SNAP91: variants seen among roughly 807,000 people sequenced by gnomAD.
SNAP91 encodes the protein synaptosome associated protein 91, also known as clathrin coat assembly protein AP180.
SNAP91 carries 27 observed loss-of-function variants against 100.3 expected under a neutral mutation model. The ratio of observed to expected loss-of-function variants is 0.27; its 90% confidence interval spans 0.20 to 0.37. The LOEUF is 0.37. Among genes scored for constraint, SNAP91 ranks in the 10% least tolerant of loss-of-function variants. The pLI, the probability that SNAP91 is intolerant of heterozygous loss-of-function variation, is 1.00. For missense variants in SNAP91, 986 were observed against 1,123.7 expected (o/e 0.88, Z 1.75); for synonymous variants, 404 against 398.6 (o/e 1.01, Z -0.16).
At chr6:83,690,059 T>TA (rs1399023727) in intron 2 of SNAP91, among the ~76,000 whole-genome samples, 2 of 152,166 alleles carry the variant, frequency 1.3e-5, no homozygotes, top group Non-Finnish European at 2.9e-5. Flanking sequence ...AACAATGAGT[T>TA]AAAATCTTGT....
At chr6:83,590,014 C>T (rs1370439788) in intron 22 of SNAP91, among the ~76,000 whole-genome samples, 1 of 152,186 alleles carries the variant, frequency 6.6e-6, no homozygotes, top group South Asian at 2.1e-4. Flanking sequence ...ATTTAAGATG[C>T]AAGACTTCAG....
In SNAP91 at chr6:83,707,895, G is replaced by A. The variant is rs761524027; in HGVS notation, c.33C>T (p.Ala11=). The A allele has an allele frequency of 1.8e-5, 29 of 1,595,818 alleles. No individual in the cohort carries two copies. Among genetic ancestry groups the A allele is most frequent in the Middle Eastern group, 3.3e-4 (2 of 6,032 alleles). ...AGCCTGTAACGCTGTACTGAGCGGC[G>A]GCGATCCGATCCGTGAGCGTTTGGC... MSGQTLTDRI[A]AAQYSVTGSA... The change falls in exon 2 of 30, where the codon GCC becomes GCT. Residue 11 remains alanine, a synonymous_variant. Coordinates refer to ENST00000369694, the MANE Select transcript of SNAP91 (RefSeq NM_001242792.2).
intron 26 of SNAP91, 22 bp downstream of exon 26, chr6:83,574,988 C>T (rs1275478072): frequency 6.6e-7 from 1 of 1,512,120 alleles, no homozygotes. Flanking sequence ...CTGCGCTGCC[C>T]TGGGCTCTGA....
At chr6:83,642,737 T>C (rs1436609653) in intron 7 of SNAP91, among the ~76,000 whole-genome samples, 4 of 152,194 alleles carry the variant, frequency 2.6e-5, no homozygotes, top group Admixed American at 6.5e-5. Flanking sequence ...ATGGTATTTC[T>C]AGTTCTAGAT....
At position 83,707,536 on chromosome 6, in the gene SNAP91, CGTGTGTGT is replaced by C. The variant is rs70987765; in HGVS notation, c.130+254_130+261del. Among the ~76,000 whole-genome samples, 7 of 148,958 alleles carry C rather than the reference CGTGTGTGT, an allele frequency of 4.7e-5. No individual in the cohort carries two copies. In the East Asian group the frequency reaches 6.0e-4, roughly 13 times the overall value. ...TCTTGTGTGTGTGTATATACATATG[CGTGTGTGT>C]GTGTGTGTGTGTGTGTATTTTTCCC... On this transcript the variant is annotated intron_variant, in intron 2 of 29. Transcript: ENST00000369694.
At chr6:83,639,592 T>G (rs1179759663) in intron 8 of SNAP91, among the ~76,000 whole-genome samples, 1 of 152,274 alleles carries the variant, frequency 6.6e-6, no homozygotes, top group East Asian at 1.9e-4. Flanking sequence ...GGTGGGCTTG[T>G]GCTAACATGA....
chr6:83,563,558 AC>A, intron 26 of SNAP91, among the ~76,000 whole-genome samples: 1 of 152,282 alleles, frequency 6.6e-6, no homozygotes, highest in East Asian at 1.9e-4. Context: ...AAAGAATGAA[AC>A]TATCTCTATT....
intron 2 of SNAP91, among the ~76,000 whole-genome samples, chr6:83,668,581 C>CA (rs527604515): frequency 3.9e-5 from 6 of 151,948 alleles, no homozygotes; most frequent in East Asian, 1.9e-4. Flanking sequence ...ATCGCAAGAA[C>CA]AAAAAACCAA....
chr6:83,589,859 C>G (rs1482044041), intron 22 of SNAP91, among the ~76,000 whole-genome samples: 2 of 152,176 alleles, frequency 1.3e-5, no homozygotes, highest in African/African-American at 2.4e-5. Flanking sequence ...CACCACTAAT[C>G]CAAGAATAAA....
At chr6:83,630,654 G>T (rs928329329) in intron 8 of SNAP91, among the ~76,000 whole-genome samples, 2 of 151,894 alleles carry the variant, frequency 1.3e-5, no homozygotes, top group African/African-American at 4.8e-5. Context: ...AGCCTTGAAT[G>T]ATTTTTTGTA....
chr6:83,563,637 A>G (rs1020806788), intron 26 of SNAP91, among the ~76,000 whole-genome samples: 1 of 152,212 alleles, frequency 6.6e-6, no homozygotes, highest in African/African-American at 2.4e-5. Context: ...AAACTGTCAA[A>G]GCTAATAAAC....
chr6:83,554,359 A>G (rs1233640223), intron 29 of SNAP91, 74 bp from the exon 30 acceptor site: 1 of 191,290 alleles, frequency 5.2e-6, no homozygotes, highest in African/African-American at 2.4e-5. Flanking sequence ...CCTCCCTTGC[A>G]ATTTTACTTC....
intron 7 of SNAP91, among the ~76,000 whole-genome samples, chr6:83,648,177 C>T (rs1357986772): frequency 1.3e-5 from 2 of 152,120 alleles, no homozygotes; most frequent in Admixed American, 6.6e-5. Context: ...AGTTAGTTTG[C>T]ATTTTCTAAA....
At chr6:83,603,679 G>A (rs1191799767) in intron 14 of SNAP91, among the ~76,000 whole-genome samples, 1 of 151,994 alleles carries the variant, frequency 6.6e-6, no homozygotes, top group African/African-American at 2.4e-5. Context: ...AGACAGATTA[G>A]AAAAAGTAAA....
chr6:83,626,155 G>C (rs1445134006), intron 8 of SNAP91, among the ~76,000 whole-genome samples: 1 of 152,036 alleles, frequency 6.6e-6, no homozygotes, highest in African/African-American at 2.4e-5. Flanking sequence ...ACTTATCAAA[G>C]ATCAGTGGTT....
chr6:83,578,095 A>T (rs961854533), intron 24 of SNAP91, among the ~76,000 whole-genome samples: 7 of 152,252 alleles, frequency 4.6e-5, no homozygotes, highest in Admixed American at 3.3e-4. Flanking sequence ...ATGTAGATAT[A>T]TCATTTTTTT....
intron 26 of SNAP91, 104 bp downstream of exon 26, chr6:83,574,906 A>G: frequency 1.5e-6 from 1 of 689,004 alleles, no homozygotes; most frequent in Non-Finnish European, 2.5e-6. Context: ...AATGCAGAGG[A>G]ATAAGTACAC....
intron 26 of SNAP91, among the ~76,000 whole-genome samples, chr6:83,565,893 C>T (rs541156836): frequency 2.6e-5 from 4 of 152,186 alleles, no homozygotes; most frequent in South Asian, 4.2e-4. Context: ...GCTATGGAAA[C>T]GCTTGGCAGT....
At chr6:83,662,656 A>C (rs1393036885) in intron 3 of SNAP91, among the ~76,000 whole-genome samples, 1 of 152,124 alleles carries the variant, frequency 6.6e-6, no homozygotes, top group Admixed American at 6.6e-5. Flanking sequence ...ATTTATTAGG[A>C]TTCAGTAGGC....
Sources: allele counts gnomAD v4.1 joint callset (sites outside exome capture counted in the v4.1 genomes callset), GRCh38; gene constraint gnomAD v4.1.1; transcripts MANE v1.5; gene names NCBI Gene and HGNC (gene_info 2026-07-23, HGNC 2026-07-21).